Variants in PALM2AKAP2 observed in about 807,000 individuals in gnomAD.
The protein encoded by PALM2AKAP2 is PALM2 and AKAP2 fusion, also known as PALM2-AKAP2 fusion protein.
In PALM2AKAP2, 37 loss-of-function variants were observed where a neutral mutation model predicts 71.5. That is an observed-to-expected ratio of 0.52 (90% CI 0.40 to 0.68). PALM2AKAP2 has a LOEUF of 0.68. Ranked by LOEUF, PALM2AKAP2 falls within the 30% of genes least tolerant of loss-of-function variation. PALM2AKAP2 has a pLI of 0.00. For missense variants in PALM2AKAP2, 1,224 were observed against 1,191.8 expected, an observed-to-expected ratio of 1.03 and a Z score of -0.40; for synonymous variants, 468 against 478.8, an observed-to-expected ratio of 0.98 and a Z score of 0.29.
chr9:109,807,126 G>T (rs1475428213), intron 1 of PALM2AKAP2, among the ~76,000 whole-genome samples: 1 of 114,094 alleles, frequency 8.8e-6, no homozygotes, highest in African/African-American at 5.0e-5. Flanking sequence ...TCATCCAGTA[G>T]ATCTAAGTGG....
At chr9:109,869,651 T>TCCATCCATCCATCCATCCA (rs148859013) in intron 2 of PALM2AKAP2, among the ~76,000 whole-genome samples, 1 of 149,980 alleles carries the variant, frequency 6.7e-6, no homozygotes, top group Non-Finnish European at 1.5e-5. Context: ...TCATCCATCT[T>TCCATCCATCCATCCATCCA]TCCATCCATC....
chr9:110,098,521 A>T (rs1433252297), intron 1 of PALM2AKAP2, among the ~76,000 whole-genome samples: 3 of 152,178 alleles, frequency 2.0e-5, no homozygotes, highest in Non-Finnish European at 4.4e-5. Flanking sequence ...AAGCTGTTTT[A>T]AAAAAATTAA....
At chr9:110,147,240 C>T (rs1393748480) in intron 2 of PALM2AKAP2, among the ~76,000 whole-genome samples, 1 of 140,138 alleles carries the variant, frequency 7.1e-6, no homozygotes, top group African/African-American at 2.7e-5. Context: ...CAAAGCAAGA[C>T]TCTGTCTCAA....
At chr9:109,869,773 T>C (rs1239095662) in intron 2 of PALM2AKAP2, among the ~76,000 whole-genome samples, 1 of 152,168 alleles carries the variant, frequency 6.6e-6, no homozygotes, top group Non-Finnish European at 1.5e-5. Context: ...GCTAGTTCTT[T>C]ATGGCTATCT....
At chr9:109,734,567 A>G (rs1828601956) in intron 1 of PALM2AKAP2, among the ~76,000 whole-genome samples, 1 of 152,246 alleles carries the variant, frequency 6.6e-6, no homozygotes, top group African/African-American at 2.4e-5. Context: ...TCAATTGGAC[A>G]GCCTGATTTA....
intron 1 of PALM2AKAP2, among the ~76,000 whole-genome samples, chr9:109,843,614 A>G (rs1179125776): frequency 6.6e-6 from 1 of 152,210 alleles, no homozygotes; most frequent in Non-Finnish European, 1.5e-5. Context: ...ATAAATGTGC[A>G]GGGGCTGGCC....
chr9:109,675,104 G>A (rs1212766129), intron 1 of PALM2AKAP2, among the ~76,000 whole-genome samples: 1 of 152,082 alleles, frequency 6.6e-6, no homozygotes, highest in Non-Finnish European at 1.5e-5. Flanking sequence ...CCTAAGCTAT[G>A]ATGCTTGAGA....
At chr9:109,962,637 T>G (rs982765978) in intron 6 of PALM2AKAP2, among the ~76,000 whole-genome samples, 1 of 151,332 alleles carries the variant, frequency 6.6e-6, no homozygotes, top group African/African-American at 2.4e-5. Context: ...CCCTGAACTG[T>G]GCCAATTTTT....
chr9:109,764,339 C>T (rs62578101), intron 1 of PALM2AKAP2, among the ~76,000 whole-genome samples: 18,554 of 151,894 alleles, frequency 0.12, 1,440 homozygotes, highest in Non-Finnish European at 0.17. Flanking sequence ...TTCTCCAAAA[C>T]AGGGTGTCTC....
intron 1 of PALM2AKAP2, among the ~76,000 whole-genome samples, chr9:109,839,938 C>T (rs1828606572): frequency 6.6e-6 from 1 of 152,124 alleles, no homozygotes; most frequent in Non-Finnish European, 1.5e-5. Context: ...GGTCATACTA[C>T]CCAAAGTAAT....
intron 1 of PALM2AKAP2, among the ~76,000 whole-genome samples, chr9:109,846,603 G>A (rs1361894585): frequency 6.6e-6 from 1 of 152,194 alleles, no homozygotes; most frequent in Non-Finnish European, 1.5e-5. Context: ...CCATGCTCTG[G>A]ACATTCAACC....
At chr9:110,100,236 AG>A (rs1834964831) in intron 1 of PALM2AKAP2, among the ~76,000 whole-genome samples, 1 of 152,028 alleles carries the variant, frequency 6.6e-6, no homozygotes, top group Non-Finnish European at 1.5e-5. Context: ...TATTGGGCTT[AG>A]GAAAAGGTGA....
intron 1 of PALM2AKAP2, among the ~76,000 whole-genome samples, chr9:109,854,503 T>C (rs1829100187): frequency 6.6e-6 from 1 of 152,184 alleles, no homozygotes; most frequent in African/African-American, 2.4e-5. Flanking sequence ...TATTACATTT[T>C]CCATGTTAGC....
intron 3 of PALM2AKAP2, among the ~76,000 whole-genome samples, chr9:110,158,524 G>T (rs1044893427): frequency 1.3e-5 from 2 of 152,192 alleles, no homozygotes; most frequent in East Asian, 1.9e-4. Context: ...AAGGCAGAGG[G>T]CTGGAAGCTC....
In PALM2AKAP2 at chr9:110,019,196, C is replaced by T. The variant is rs188366803; in HGVS notation, c.582+3157C>T. 7.4e-5 allele frequency among the ~76,000 whole-genome samples: 11 copies of T among 148,076 alleles called. No homozygotes were observed. In the East Asian group the frequency reaches 8.0e-4, roughly 11 times the overall value. ...CAGAGATTGCCGTGAGCCGAGTCTGCGCCACTGCACTCCAGCCTGGCAAAA... is the reference window on the plus strand; with the variant it reads ...CAGAGATTGCCGTGAGCCGAGTCTGTGCCACTGCACTCCAGCCTGGCAAAA... On this transcript the variant is annotated intron_variant, in intron 7 of 9. Transcript: ENST00000302798.
intron 2 of PALM2AKAP2, among the ~76,000 whole-genome samples, chr9:109,880,031 A>G (rs1333545729): frequency 6.6e-6 from 1 of 152,212 alleles, no homozygotes; most frequent in African/African-American, 2.4e-5. Flanking sequence ...TTTGGAGATT[A>G]TTACTGAAGA....
chr9:109,818,783 T>A (rs1827915660), intron 1 of PALM2AKAP2, among the ~76,000 whole-genome samples: 1 of 152,148 alleles, frequency 6.6e-6, no homozygotes, highest in African/African-American at 2.4e-5. Flanking sequence ...AAGACTTAGG[T>A]ACCAGTGAAC....
chr9:110,042,942 A>G (rs917028586), intron 7 of PALM2AKAP2, among the ~76,000 whole-genome samples: 1 of 152,202 alleles, frequency 6.6e-6, no homozygotes, highest in Non-Finnish European at 1.5e-5. Flanking sequence ...TAAATGTACA[A>G]TTAAATTATT....
In PALM2AKAP2 at chr9:110,014,843, T is replaced by C. The variant is rs1411755761; in HGVS notation, c.497-1111T>C. On this transcript the variant is annotated intron_variant, in intron 6 of 9. Coordinates refer to the PALM2AKAP2 transcript ENST00000302798. ...ATATATATATATATATATATATATA[T>C]ATATATATACACACACACACATATA... Among the ~76,000 whole-genome samples the C allele has an allele frequency of 3.5e-4, 33 of 95,252 alleles. 1 individual carries two copies. The highest frequency in any genetic ancestry group is 1.4e-3 in the African/African-American group (32 of 22,152). The allele number at this position is 95,252 out of a possible 152,430, so 62.5% of individuals were successfully genotyped here. A position where few individuals can be genotyped will look rare whatever the true frequency, so the allele number is the denominator to read the frequency against.
Sources: gnomAD v4.1 joint callset for allele counts (sites outside exome capture counted in the v4.1 genomes callset) on GRCh38, gnomAD v4.1.1 for gene constraint, MANE v1.5 for transcripts, NCBI Gene and HGNC (gene_info 2026-07-23, HGNC 2026-07-21) for gene names.